RRBP1: variants seen among roughly 807,000 people sequenced by gnomAD.
RRBP1 encodes ribosome-binding protein 1.
RRBP1 carries 94 observed loss-of-function variants against 165.2 expected under a neutral mutation model. The observed-to-expected ratio is 0.57, with a 90% CI of 0.48 to 0.68. The LOEUF (loss-of-function observed/expected upper bound fraction) is 0.68, where lower values mean the gene tolerates loss of function less well. RRBP1 is among the 30% of genes least tolerant of loss of function. RRBP1 has a pLI of 0.00. For missense variants in RRBP1, 1,676 were observed against 1,763.0 expected, an observed-to-expected ratio of 0.95 and a Z score of 0.88; for synonymous variants, 680 against 714.5, an observed-to-expected ratio of 0.95 and a Z score of 0.77.
At chr20:17,616,907 G>GA (rs2035812780) in intron 20 of RRBP1, 68 bp from the exon 21 acceptor site, 1 of 1,261,590 alleles carries the variant, frequency 7.9e-7, no homozygotes, top group African/African-American at 1.5e-5. Flanking sequence ...CACTCCTGCA[G>GA]GGACCCCCTC....
intron 2 of RRBP1, among the ~76,000 whole-genome samples, chr20:17,670,140 A>G (rs563699650): frequency 6.6e-6 from 1 of 152,348 alleles, no homozygotes; most frequent in African/African-American, 2.4e-5. Flanking sequence ...GAATTTTATC[A>G]AATACTTTAT....
In RRBP1 at chr20:17,667,497, T is replaced by C. The variant is rs73262678; in HGVS notation, c.-21-6969A>G. Among the ~76,000 whole-genome samples the C allele has an allele frequency of 3.0e-3, 460 of 152,282 alleles. 2 individuals are homozygous for C. The highest frequency in any genetic ancestry group is 0.011 in the African/African-American group (443 of 41,560). The stretch of plus-strand genomic sequence containing the variant: ...GCAGCAAATATTTAAGGCAATAAAT[T>C]TCCCCCTAAGTACTGCTACGGCTTC... On this transcript the variant is annotated intron_variant, in intron 2 of 24. Coordinates refer to ENST00000377813, the MANE Select transcript of RRBP1 (RefSeq NM_001365613.2).
chr20:17,655,156 C>G (rs115376089), intron 3 of RRBP1, among the ~76,000 whole-genome samples: 2,485 of 152,274 alleles, frequency 0.016, 81 homozygotes, highest in African/African-American at 0.057. Flanking sequence ...AACACAAGAT[C>G]TAGGGTCTTC....
chr20:17,634,231 C>T (rs941256269), intron 7 of RRBP1, among the ~76,000 whole-genome samples: 3 of 152,226 alleles, frequency 2.0e-5, no homozygotes, highest in South Asian at 2.1e-4. Context: ...CACTAGCAGA[C>T]GCTGCCTCAA....
chr20:17,636,751 G>A (rs755922595), intron 5 of RRBP1, 22 bp from the exon 6 acceptor site: 1 of 1,611,908 alleles, frequency 6.2e-7, no homozygotes, highest in Non-Finnish European at 8.5e-7. Context: ...GTAGCAGAGA[G>A]AGGGGCTGGT....
chr20:17,615,570 T>C lies in RRBP1; in HGVS notation c.3952-41A>G, dbSNP rs368016143. 3.2e-5 allele frequency: 49 copies of C among 1,532,328 alleles called. 2 individuals carry two copies. In the South Asian group the frequency reaches 4.1e-4, roughly 13 times the overall value. The allele number at this position is 1,532,328 out of a possible 1,614,324, so 94.9% of individuals were successfully genotyped here. On this transcript the variant is annotated intron_variant, in intron 22 of 24. Transcript: ENST00000377813. ...AGTGAGGTCTGGGTGAGACGTCTTA[T>C]AAACGGCTGTGCTGTCAAGACCCTA... is the stretch of plus-strand genomic sequence containing the variant.
chr20:17,622,967 A>C (rs1036513548), intron 13 of RRBP1: 1 of 152,200 alleles, frequency 6.6e-6, no homozygotes, highest in African/African-American at 2.4e-5. Context: ...CGCACACCTG[A>C]GAAGCGGGCC....
intron 1 of RRBP1, among the ~76,000 whole-genome samples, chr20:17,681,100 CCGGGG>C (rs986384636): frequency 6.6e-6 from 1 of 151,642 alleles, no homozygotes; most frequent in Non-Finnish European, 1.5e-5. Context: ...GCCGGCCGGG[CCGGGG>C]CGGGCACCAG....
intron 13 of RRBP1, among the ~76,000 whole-genome samples, chr20:17,622,355 G>A (rs931821571): frequency 6.6e-6 from 1 of 152,140 alleles, no homozygotes; most frequent in East Asian, 1.9e-4. Context: ...AGGGATGGGA[G>A]GACACTCATG....
intron 5 of RRBP1, among the ~76,000 whole-genome samples, 167 bp from the exon 6 acceptor site, chr20:17,636,896 G>A (rs1214944612): frequency 1.3e-5 from 2 of 152,238 alleles, no homozygotes; most frequent in Non-Finnish European, 2.9e-5. Context: ...TGGGAACGAC[G>A]ACAGACAACA....
chr20:17,668,558 A>G (rs2036913495), intron 2 of RRBP1, among the ~76,000 whole-genome samples: 1 of 152,200 alleles, frequency 6.6e-6, no homozygotes, highest in South Asian at 2.1e-4. Flanking sequence ...CCTCTTACAA[A>G]TTATCAGGAG....
rs184374123 is a variant in RRBP1, at chr20:17,614,457, C to A, written c.4195-237G>T. On this transcript the variant is annotated intron_variant, in intron 24 of 24. Transcript: ENST00000377813. The stretch of plus-strand genomic sequence containing the variant: ...GCTGGAGCACTGGCTAAGGGGCCCA[C>A]ACAGGTGCAAAGTGAGGACCTGGGC... Among the ~76,000 whole-genome samples the A allele has an allele frequency of 3.6e-3, 548 of 152,218 alleles. 1 individual carries two copies. Among genetic ancestry groups the A allele is most frequent in the Admixed American group, 7.0e-3 (107 of 15,296 alleles).
At chr20:17,644,251 G>A (rs962703714) in intron 3 of RRBP1, among the ~76,000 whole-genome samples, 7 of 152,222 alleles carry the variant, frequency 4.6e-5, no homozygotes, top group African/African-American at 1.2e-4. Flanking sequence ...GGTGAGGCTC[G>A]GGAGTTTAAA....
At chr20:17,676,832 C>T (rs955023202) in intron 2 of RRBP1, among the ~76,000 whole-genome samples, 16 of 152,164 alleles carry the variant, frequency 1.1e-4, no homozygotes, top group African/African-American at 3.9e-4. Flanking sequence ...ACTGCAACCT[C>T]CACCTTCCAG....
intron 18 of RRBP1, 162 bp from the exon 19 acceptor site, chr20:17,619,890 A>C: frequency 1.8e-6 from 1 of 565,804 alleles, no homozygotes; most frequent in Non-Finnish European, 3.1e-6. Flanking sequence ...GCGGCAAGAG[A>C]ACCCCTTACG....
intron 3 of RRBP1, among the ~76,000 whole-genome samples, chr20:17,654,530 T>C (rs953125049): frequency 6.6e-6 from 1 of 152,212 alleles, no homozygotes; most frequent in African/African-American, 2.4e-5. Context: ...TACCACTCAA[T>C]CACGTGTGTG....
intron 2 of RRBP1, among the ~76,000 whole-genome samples, chr20:17,678,906 T>C (rs1195025322): frequency 6.6e-6 from 1 of 152,082 alleles, no homozygotes; most frequent in Non-Finnish European, 1.5e-5. Flanking sequence ...AAATGAAAAA[T>C]ACCTTCAGCA....
chr20:17,614,657 CTCTGCCTCTCCCGG>C, intron 24 of RRBP1, 66 bp downstream of exon 24: 1 of 1,568,268 alleles, frequency 6.4e-7, no homozygotes, highest in Non-Finnish European at 8.7e-7. Flanking sequence ...CTCCGCCCAG[CTCTGCCTCTCCCGG>C]TCCTGCCTCC....
intron 4 of RRBP1, 47 bp downstream of exon 4, chr20:17,642,932 C>T: frequency 1.3e-6 from 2 of 1,596,152 alleles, no homozygotes; most frequent in Non-Finnish European, 1.7e-6. Context: ...ACCACCCTAG[C>T]CAGCTGCAGT....
Sources: gnomAD v4.1 joint callset for allele counts (sites outside exome capture counted in the v4.1 genomes callset) on GRCh38, gnomAD v4.1.1 for gene constraint, MANE v1.5 for transcripts, NCBI Gene and HGNC (gene_info 2026-07-23, HGNC 2026-07-21) for gene names.